Variants in DPYD observed in about 807,000 individuals in gnomAD.
DPYD encodes dihydropyrimidine dehydrogenase [NADP(+)].
In DPYD, 109 loss-of-function variants were observed where a neutral mutation model predicts 116.2. The ratio of observed to expected loss-of-function variants is 0.94; its 90% CI spans 0.80 to 1.10. The LOEUF (loss-of-function observed/expected upper bound fraction) is 1.10, where lower values mean the gene tolerates loss of function less well. Ranked by LOEUF, DPYD falls within the 50% of genes least tolerant of loss-of-function variation. DPYD has a pLI of 0.00. For synonymous variants in DPYD, 440 were observed against 432.0 expected (o/e 1.02, Z -0.23); for missense variants, 1,302 against 1,254.5 (o/e 1.04, Z -0.57).
chr1:97,720,799 C>T, intron 5 of DPYD: 1 of 1,552,316 alleles, frequency 6.4e-7, no homozygotes. Flanking sequence ...ATAAGCTGAT[C>T]ATTTAAATGA....
intron 16 of DPYD, among the ~76,000 whole-genome samples, chr1:97,348,689 T>C (rs1261537823): frequency 6.6e-6 from 1 of 152,118 alleles, no homozygotes; most frequent in Non-Finnish European, 1.5e-5. Context: ...AATATTAATA[T>C]ACAAGGTAAT....
At chr1:97,721,819 A>G in intron 4 of DPYD, 148 bp from the exon 5 acceptor site, 1 of 731,702 alleles carries the variant, frequency 1.4e-6, no homozygotes, top group Non-Finnish European at 2.2e-6. Context: ...TACTATCAGG[A>G]ACCATCAATT....
chr1:97,242,550 C>T (rs971898975), intron 18 of DPYD, among the ~76,000 whole-genome samples: 14 of 151,500 alleles, frequency 9.2e-5, no homozygotes, highest in African/African-American at 3.4e-4. Context: ...GTGAGTCCTG[C>T]AGTAAAGGGA....
At chr1:97,544,324 T>C (rs1055950612) in intron 12 of DPYD, among the ~76,000 whole-genome samples, 2 of 152,188 alleles carry the variant, frequency 1.3e-5, no homozygotes, top group African/African-American at 4.8e-5. Flanking sequence ...GGTGGAAATG[T>C]TGATTTTACT....
At chr1:97,606,840 T>C (rs1268214959) in intron 8 of DPYD, among the ~76,000 whole-genome samples, 1 of 151,948 alleles carries the variant, frequency 6.6e-6, no homozygotes, top group Non-Finnish European at 1.5e-5. Context: ...CTTCTCTTCT[T>C]CTTCTTAACC....
rs1658511989 is a variant in DPYD at position 97,193,263 on chromosome 1, G to A, written c.2443-15C>T. On this transcript the variant is annotated splice_polypyrimidine_tract_variant and intron_variant, in intron 19 of 22. Transcript: ENST00000370192. The stretch of plus-strand genomic sequence containing the variant: ...GCACTGCATACCTAGAAAAGACAGA[G>A]CAGTCAACCAAGTGTCAAACCAAGA... The A allele has an allele frequency of 6.2e-7, 1 of 1,611,514 alleles. No homozygotes were observed.
intron 3 of DPYD, among the ~76,000 whole-genome samples, chr1:97,814,958 G>T (rs1259495993): frequency 2.7e-5 from 4 of 145,586 alleles, no homozygotes; most frequent in Non-Finnish European, 6.0e-5. Context: ...AGAAAGAAAG[G>T]AGAGAAAGAA....
rs1168840139 is a variant in DPYD, at chr1:97,323,480, TAC to T, written c.2059-17185_2059-17184del. On this transcript the variant is annotated intron_variant, in intron 16 of 22. Transcript: ENST00000370192. ...TCATATATACATATATGTGTATATA[TAC>T]ACGTATATATACATATCATATGTAC... 7.2e-5 allele frequency among the ~76,000 whole-genome samples: 9 copies of T among 125,802 alleles called. 1 individual carries two copies. Among genetic ancestry groups the T allele is most frequent in the East Asian group, 2.5e-4 (1 of 3,934 alleles). The allele number at this position is 125,802 out of a possible 152,430, so 82.5% of individuals were successfully genotyped here.
chr1:97,742,771 A>G (rs944872962), intron 3 of DPYD, among the ~76,000 whole-genome samples: 1 of 152,154 alleles, frequency 6.6e-6, no homozygotes, highest in Non-Finnish European at 1.5e-5. Flanking sequence ...ATGTCGCAAT[A>G]CAAAATAGCT....
chr1:97,268,492 C>T (rs555391114), intron 18 of DPYD, among the ~76,000 whole-genome samples: 1 of 152,230 alleles, frequency 6.6e-6, no homozygotes, highest in East Asian at 1.9e-4. Context: ...CCGAGAGATC[C>T]TTTGAAATCT....
chr1:97,274,579 G>A (rs537715611), intron 18 of DPYD, among the ~76,000 whole-genome samples: 23 of 152,170 alleles, frequency 1.5e-4, no homozygotes, highest in East Asian at 3.9e-4. Flanking sequence ...ATAGCAAGGC[G>A]AAATGGACTA....
At chr1:97,517,922 A>G (rs1431489826) in intron 12 of DPYD, among the ~76,000 whole-genome samples, 4 of 152,074 alleles carry the variant, frequency 2.6e-5, no homozygotes, top group East Asian at 3.9e-4. Flanking sequence ...ATTTTTTTCA[A>G]TCTTACAGAT....
At chr1:97,755,947 A>G (rs892448195) in intron 3 of DPYD, among the ~76,000 whole-genome samples, 2 of 152,332 alleles carry the variant, frequency 1.3e-5, no homozygotes, top group East Asian at 3.9e-4. Flanking sequence ...CTGTTTTTTA[A>G]TAGCCACTTG....
At chr1:97,111,892 T>C (rs1383630340) in intron 20 of DPYD, among the ~76,000 whole-genome samples, 1 of 152,074 alleles carries the variant, frequency 6.6e-6, no homozygotes, top group Non-Finnish European at 1.5e-5. Flanking sequence ...CGTGTTTTAC[T>C]TAACTTTTGT....
chr1:97,357,368 G>A (rs1213312442), intron 16 of DPYD, among the ~76,000 whole-genome samples: 1 of 139,900 alleles, frequency 7.1e-6, no homozygotes, highest in Admixed American at 7.1e-5. Flanking sequence ...TTCTAACAGT[G>A]TTTTTTTTTT....
chr1:97,651,144 T>C (rs1278978445), intron 8 of DPYD, among the ~76,000 whole-genome samples: 13 of 152,160 alleles, frequency 8.5e-5, no homozygotes, highest in Non-Finnish European at 2.9e-5. Context: ...ATTTTAATAG[T>C]TGTATATGAT....
intron 3 of DPYD, among the ~76,000 whole-genome samples, chr1:97,751,460 G>GTGTATATATATA (rs763260651): frequency 0.014 from 300 of 21,192 alleles, 7 homozygotes; most frequent in East Asian, 0.046. Context: ...GTGTGTGTGT[G>GTGTATATATATA]TATATATATA....
intron 1 of DPYD, among the ~76,000 whole-genome samples, chr1:97,884,376 G>T (rs1397590726): frequency 6.6e-6 from 1 of 152,040 alleles, no homozygotes; most frequent in Non-Finnish European, 1.5e-5. Context: ...TGAAAAGTTA[G>T]ATGCAACAGC....
At chr1:97,912,827 T>C (rs1161771662) in intron 1 of DPYD, among the ~76,000 whole-genome samples, 2 of 152,030 alleles carry the variant, frequency 1.3e-5, no homozygotes, top group African/African-American at 4.8e-5. Context: ...AGTTTAAATT[T>C]TTACCCCAGC....
Sources: gnomAD v4.1 joint callset for allele counts (sites outside exome capture counted in the v4.1 genomes callset) on GRCh38, gnomAD v4.1.1 for gene constraint, MANE v1.5 for transcripts, NCBI Gene and HGNC (gene_info 2026-07-23, HGNC 2026-07-21) for gene names.